GSG1L: variants seen among roughly 807,000 people sequenced by gnomAD.
GSG1L encodes the protein GSG1 like.
In GSG1L, 24 loss-of-function variants were observed where a neutral mutation model predicts 42.1. That is an observed-to-expected ratio of 0.57 (90% CI 0.41 to 0.80). The LOEUF (loss-of-function observed/expected upper bound fraction) is 0.80. Among genes scored for constraint, GSG1L ranks in the 30% least tolerant of loss-of-function variants. The probability of loss-of-function intolerance (pLI) is 0.00; values close to 1 mark genes in which losing one functional copy is unlikely to be tolerated. For missense variants in GSG1L, 445 were observed against 472.2 expected (o/e 0.94, Z 0.53); for synonymous variants, 215 against 203.5 (o/e 1.06, Z -0.48).
intron 3 of GSG1L, among the ~76,000 whole-genome samples, chr16:27,870,163 C>T (rs895609312): frequency 1.3e-5 from 2 of 149,778 alleles, no homozygotes; most frequent in East Asian, 4.0e-4. Context: ...CCTTCTCTCT[C>T]TGTCTCCCTC....
chr16:27,827,297 G>A (rs1442155332), intron 5 of GSG1L, among the ~76,000 whole-genome samples: 2 of 152,152 alleles, frequency 1.3e-5, no homozygotes, highest in East Asian at 1.9e-4. Context: ...TCGGCCATTC[G>A]CGGGTACCTC....
intron 6 of GSG1L, among the ~76,000 whole-genome samples, chr16:27,793,405 AAC>A (rs766954185): frequency 6.6e-6 from 1 of 152,218 alleles, no homozygotes; most frequent in Non-Finnish European, 1.5e-5. Flanking sequence ...GCTTCAGAAA[AAC>A]ACATTTGTTT....
At chr16:27,973,485 G>C (rs907388164) in intron 1 of GSG1L, among the ~76,000 whole-genome samples, 10 of 141,058 alleles carry the variant, frequency 7.1e-5, no homozygotes, top group Admixed American at 7.5e-5. Context: ...GTGCTTAGGA[G>C]ATGGCTTTCG....
At chr16:28,002,202 TA>T (rs1567551203) in intron 1 of GSG1L, among the ~76,000 whole-genome samples, 1 of 152,042 alleles carries the variant, frequency 6.6e-6, no homozygotes, top group Non-Finnish European at 1.5e-5. Flanking sequence ...CTGAATAAAA[TA>T]AAACAGGATG....
chr16:27,877,703 C>T (rs996899538), intron 3 of GSG1L, among the ~76,000 whole-genome samples: 4 of 152,188 alleles, frequency 2.6e-5, no homozygotes, highest in African/African-American at 9.7e-5. Context: ...ACTGAATCAT[C>T]CAAACCCCAG....
chr16:27,820,005 G>A (rs1404177946), intron 5 of GSG1L, among the ~76,000 whole-genome samples: 1 of 152,194 alleles, frequency 6.6e-6, no homozygotes, highest in Non-Finnish European at 1.5e-5. Flanking sequence ...GGCTTGTGGT[G>A]AGCGGGAGGG....
intron 3 of GSG1L, among the ~76,000 whole-genome samples, chr16:27,854,823 G>C (rs533922593): frequency 6.6e-6 from 1 of 152,308 alleles, no homozygotes; most frequent in South Asian, 2.1e-4. Context: ...AAGGATGATG[G>C]AGAGAGGACA....
intron 3 of GSG1L, among the ~76,000 whole-genome samples, chr16:27,876,118 C>T (rs911257739): frequency 2.0e-5 from 3 of 152,132 alleles, no homozygotes; most frequent in Non-Finnish European, 2.9e-5. Context: ...CTGACTTAGA[C>T]CCTCTGCATT....
chr16:27,798,991 G>A (rs530008629), intron 6 of GSG1L, among the ~76,000 whole-genome samples: 33 of 152,282 alleles, frequency 2.2e-4, no homozygotes, highest in Middle Eastern at 3.4e-3. Flanking sequence ...GCTAAATCAT[G>A]CACCAGAAAC....
intron 1 of GSG1L, among the ~76,000 whole-genome samples, chr16:28,020,090 G>A (rs111345127): frequency 0.04 from 6,113 of 152,266 alleles, 393 homozygotes; most frequent in African/African-American, 0.14. Flanking sequence ...CAATGCCTTC[G>A]TTCGCGCAGA....
intron 6 of GSG1L, among the ~76,000 whole-genome samples, chr16:27,794,991 C>T (rs1211172623): frequency 2.0e-5 from 3 of 152,044 alleles, no homozygotes; most frequent in Non-Finnish European, 4.4e-5. Flanking sequence ...TCCCTGTGCC[C>T]TTCAGCAGCC....
At chr16:27,966,476 G>GC (rs1456220269) in intron 1 of GSG1L, among the ~76,000 whole-genome samples, 1 of 151,924 alleles carries the variant, frequency 6.6e-6, no homozygotes, top group Non-Finnish European at 1.5e-5. Context: ...GGGCAACAGA[G>GC]CAAGACCCCA....
At chr16:27,979,590 GAAGGAAGGAAGAAAGA>G (rs972447123) in intron 1 of GSG1L, among the ~76,000 whole-genome samples, 2 of 142,698 alleles carry the variant, frequency 1.4e-5, no homozygotes, top group South Asian at 2.3e-4. Context: ...AAGAAAGAAG[GAAGGAAGGAAGAAAGA>G]AAGGAAGGAA....
At chr16:27,931,191 G>A (rs1365023934) in intron 2 of GSG1L, among the ~76,000 whole-genome samples, 1 of 152,156 alleles carries the variant, frequency 6.6e-6, no homozygotes. Flanking sequence ...GCCAATCAAA[G>A]GGACAACAAA....
chr16:27,931,985 C>T (rs1171502004), intron 2 of GSG1L, among the ~76,000 whole-genome samples: 5 of 152,164 alleles, frequency 3.3e-5, no homozygotes, highest in African/African-American at 9.7e-5. Flanking sequence ...CATTCACAGC[C>T]GTCCTTCTTG....
intron 2 of GSG1L, among the ~76,000 whole-genome samples, chr16:27,895,675 G>A (rs1322359368): frequency 1.3e-5 from 2 of 152,182 alleles, no homozygotes; most frequent in Admixed American, 1.3e-4. Context: ...AAGTTCTCTT[G>A]TCCAGCCAGC....
At chr16:28,009,832 C>T (rs1220924376) in intron 1 of GSG1L, among the ~76,000 whole-genome samples, 5 of 152,232 alleles carry the variant, frequency 3.3e-5, no homozygotes, top group Non-Finnish European at 7.3e-5. Context: ...ACTGCTTCAG[C>T]CCACTTCACA....
intron 2 of GSG1L, among the ~76,000 whole-genome samples, chr16:27,949,122 G>T (rs2084922505): frequency 6.6e-6 from 1 of 151,270 alleles, no homozygotes; most frequent in Admixed American, 6.6e-5. Flanking sequence ...TTGTTATGCT[G>T]CCAAGGCTGG....
At chr16:27,857,863 G>A (rs1205474839) in intron 3 of GSG1L, among the ~76,000 whole-genome samples, 3 of 150,578 alleles carry the variant, frequency 2.0e-5, no homozygotes, top group African/African-American at 7.3e-5. Context: ...TCTCCATGGT[G>A]GGCCTCCCCC....
Sources: gnomAD v4.1 joint callset for allele counts (sites outside exome capture counted in the v4.1 genomes callset) on GRCh38, gnomAD v4.1.1 for gene constraint, MANE v1.5 for transcripts, NCBI Gene and HGNC (gene_info 2026-07-23, HGNC 2026-07-21) for gene names.